PRIM2: variants seen among roughly 807,000 people sequenced by gnomAD.
PRIM2 encodes the protein DNA primase large subunit.
A neutral mutation model predicts 67.3 loss-of-function variants in PRIM2; 39 were observed. The ratio of observed to expected loss-of-function variants is 0.58; its 90% CI spans 0.45 to 0.76. The LOEUF is 0.76. PRIM2 is among the 30% of genes least tolerant of loss of function. The pLI is 0.00. For synonymous variants in PRIM2, 143 were observed against 198.7 expected (o/e 0.72, Z 2.36); for missense variants, 398 against 598.7 (o/e 0.66, Z 3.50).
intron 5 of PRIM2, among the ~76,000 whole-genome samples, chr6:57,339,085 C>A (rs1197985106): frequency 6.6e-6 from 1 of 151,056 alleles, no homozygotes; most frequent in Middle Eastern, 3.4e-3. Context: ...AGCCAAATCA[C>A]GAGTGAACTC....
chr6:57,443,792 TTG>T (rs1772277631), intron 7 of PRIM2, among the ~76,000 whole-genome samples: 1 of 152,330 alleles, frequency 6.6e-6, no homozygotes, highest in Admixed American at 6.5e-5. Context: ...TGTTTTGCAT[TTG>T]TTGCCTGTGC....
At chr6:57,327,198 G>A (rs1442229030) in intron 5 of PRIM2, among the ~76,000 whole-genome samples, 1 of 152,016 alleles carries the variant, frequency 6.6e-6, no homozygotes, top group Admixed American at 6.5e-5. Flanking sequence ...CACCGTGCCG[G>A]GCCTAGAATT....
chr6:57,487,382 C>G (rs1282810351), intron 7 of PRIM2, among the ~76,000 whole-genome samples: 1 of 152,076 alleles, frequency 6.6e-6, no homozygotes, highest in Non-Finnish European at 1.5e-5. Context: ...GTGCATGCCG[C>G]CATGCCTGGC....
upstream of PRIM2, among the ~76,000 whole-genome samples, chr6:57,313,377 C>T (rs1249630913): frequency 2.6e-5 from 4 of 152,064 alleles, no homozygotes; most frequent in African/African-American, 4.8e-5. Context: ...TTTTTTGGCT[C>T]TCTCATCATT....
chr6:57,323,444 TG>T (rs1286354451), intron 3 of PRIM2, among the ~76,000 whole-genome samples: 13 of 152,090 alleles, frequency 8.5e-5, no homozygotes, highest in Non-Finnish European at 4.4e-5. Context: ...GAGGGGTTGG[TG>T]GGAAGAAAAT....
At chr6:57,509,268 TGAATA>T (rs1296401456) in intron 8 of PRIM2, among the ~76,000 whole-genome samples, 1 of 152,004 alleles carries the variant, frequency 6.6e-6, no homozygotes. Context: ...CAGCAGGGAC[TGAATA>T]GCATACATTT....
chr6:57,316,327 G>T (rs1372013186), upstream of PRIM2, among the ~76,000 whole-genome samples: 1 of 152,104 alleles, frequency 6.6e-6, no homozygotes, highest in Non-Finnish European at 1.5e-5. Context: ...CAGGAGAATC[G>T]CTTGAATCCC....
chr6:57,330,348 G>GTTTTTTTTTTTTTTTTTT (rs1238317111), intron 5 of PRIM2, among the ~76,000 whole-genome samples: 29 of 87,768 alleles, frequency 3.3e-4, no homozygotes, highest in African/African-American at 5.5e-4. Context: ...TGCTGAACTT[G>GTTTTTTTTTTTTTTTTTT]TTTTTTTTTT....
chr6:57,449,995 T>C (rs1423365904), intron 7 of PRIM2, among the ~76,000 whole-genome samples: 3 of 152,140 alleles, frequency 2.0e-5, no homozygotes, highest in Non-Finnish European at 4.4e-5. Context: ...CTCAGTTTTG[T>C]TTCATTTACT....
chr6:57,222,665 C>CA, the PRIM2 span, among the ~76,000 whole-genome samples: 1 of 152,140 alleles, frequency 6.6e-6, no homozygotes, highest in African/African-American at 2.4e-5. Flanking sequence ...GCCTGCAGGA[C>CA]AAAATAGAAG....
At chr6:57,223,406 G>C in the PRIM2 span, among the ~76,000 whole-genome samples, 1 of 152,102 alleles carries the variant, frequency 6.6e-6, no homozygotes, top group South Asian at 2.1e-4. Flanking sequence ...ATAAATGCGT[G>C]TCCATTTGTG....
At chr6:57,450,178 T>C (rs981936415) in intron 7 of PRIM2, among the ~76,000 whole-genome samples, 1 of 152,198 alleles carries the variant, frequency 6.6e-6, no homozygotes, top group Non-Finnish European at 1.5e-5. Context: ...TAGTAACGTA[T>C]ACAGATTTTA....
chr6:57,454,344 A>C (rs188337257), intron 7 of PRIM2, among the ~76,000 whole-genome samples: 110 of 152,318 alleles, frequency 7.2e-4, no homozygotes, highest in Admixed American at 5.2e-4. Flanking sequence ...ATTGATTGGA[A>C]TAGTTTCAGA....
At chr6:57,496,898 A>G (rs1554346427) in intron 7 of PRIM2, among the ~76,000 whole-genome samples, 1 of 152,190 alleles carries the variant, frequency 6.6e-6, no homozygotes, top group Non-Finnish European at 1.5e-5. Flanking sequence ...CAGTGAAAAG[A>G]TCCAGAATTG....
intron 7 of PRIM2, among the ~76,000 whole-genome samples, chr6:57,411,333 A>G (rs2127364179): frequency 6.6e-6 from 1 of 152,316 alleles, no homozygotes; most frequent in African/African-American, 2.4e-5. Context: ...GCTTACGCCT[A>G]TAATCCTCGC....
chr6:57,427,642 C>A (rs1771675719), intron 7 of PRIM2, among the ~76,000 whole-genome samples: 1 of 152,152 alleles, frequency 6.6e-6, no homozygotes, highest in African/African-American at 2.4e-5. Flanking sequence ...TTAACAGCAT[C>A]ACATAGCAAA....
chr6:57,532,340 A>G (rs1774909864), intron 8 of PRIM2, 71 bp from the exon 9 acceptor site: 6 of 595,064 alleles, frequency 1.0e-5, no homozygotes, highest in Non-Finnish European at 7.9e-6. Flanking sequence ...TCAGAATTTA[A>G]AAAATTTCCT....
intron 7 of PRIM2, among the ~76,000 whole-genome samples, chr6:57,430,155 T>C (rs1771769209): frequency 1.3e-5 from 2 of 152,092 alleles, no homozygotes; most frequent in African/African-American, 4.8e-5. Context: ...TTGAATTTAG[T>C]TCTGAAATTG....
At chr6:57,503,771 G>A (rs1347740360) in intron 7 of PRIM2, among the ~76,000 whole-genome samples, 42 of 151,720 alleles carry the variant, frequency 2.8e-4, no homozygotes, top group Admixed American at 2.8e-3. Flanking sequence ...AAAAAAGAAG[G>A]AACTATGTTG....
Sources: gnomAD v4.1 joint callset for allele counts (sites outside exome capture counted in the v4.1 genomes callset) on GRCh38, gnomAD v4.1.1 for gene constraint, MANE v1.5 for transcripts, NCBI Gene and HGNC (gene_info 2026-07-23, HGNC 2026-07-21) for gene names.